SATB2: variants seen among roughly 807,000 people sequenced by gnomAD.
SATB2 encodes the protein SATB homeobox 2.
Under a neutral mutation model 73.4 loss-of-function variants are expected in SATB2, and 1 was observed. That is an observed-to-expected ratio of 0.01 (90% CI 0.00 to 0.06). The LOEUF is 0.06. Among genes scored for constraint, SATB2 ranks in the 10% least tolerant of loss-of-function variants. SATB2 has a pLI of 1.00. For synonymous variants in SATB2, 397 were observed against 367.0 expected, an observed-to-expected ratio of 1.08 and a Z score of -0.93; for missense variants, 459 against 945.8, an observed-to-expected ratio of 0.49 and a Z score of 6.75.
intron 6 of SATB2, among the ~76,000 whole-genome samples, chr2:199,361,714 T>C (rs904882477): frequency 1.3e-5 from 2 of 152,022 alleles, no homozygotes; most frequent in African/African-American, 4.8e-5. Flanking sequence ...TTATTTTTCA[T>C]TGTTACAACA....
intron 10 of SATB2, among the ~76,000 whole-genome samples, chr2:199,297,883 C>T (rs2105752401): frequency 6.6e-6 from 1 of 151,744 alleles, no homozygotes; most frequent in South Asian, 2.1e-4. Context: ...TCATTCACAG[C>T]TGAGAAGAAA....
At chr2:199,435,379 G>A (rs568268651) in intron 2 of SATB2, among the ~76,000 whole-genome samples, 2 of 138,232 alleles carry the variant, frequency 1.4e-5, no homozygotes, top group South Asian at 2.2e-4. Flanking sequence ...TTTTTTTCTC[G>A]CTCTTGTTGC....
chr2:199,362,026 C>T (rs1056091992), intron 6 of SATB2, among the ~76,000 whole-genome samples: 11 of 133,846 alleles, frequency 8.2e-5, no homozygotes, highest in African/African-American at 1.4e-4. Flanking sequence ...CGTGAGCCAC[C>T]GCGCCCAGCC....
At chr2:199,398,116 T>C (rs577793528) in intron 3 of SATB2, among the ~76,000 whole-genome samples, 1 of 152,250 alleles carries the variant, frequency 6.6e-6, no homozygotes, top group East Asian at 1.9e-4. Flanking sequence ...ATGTAGACTA[T>C]TAACACATGA....
chr2:199,296,818 T>C (rs906737306), intron 10 of SATB2, among the ~76,000 whole-genome samples: 2 of 152,188 alleles, frequency 1.3e-5, no homozygotes, highest in Non-Finnish European at 2.9e-5. Context: ...CAGTGCCCTT[T>C]TCTTTACCAT....
chr2:199,443,572 A>G (rs888975389), intron 2 of SATB2, among the ~76,000 whole-genome samples: 1 of 152,040 alleles, frequency 6.6e-6, no homozygotes, highest in African/African-American at 2.4e-5. Context: ...TCTCCCTCAC[A>G]AAAAGAAAAT....
intron 6 of SATB2, among the ~76,000 whole-genome samples, chr2:199,353,148 CTTTTT>C (rs11369554): frequency 1.5e-4 from 13 of 88,026 alleles, no homozygotes; most frequent in African/African-American, 4.1e-4. Flanking sequence ...ACGTTTTTGT[CTTTTT>C]TTTTTTTTTT....
At chr2:199,430,044 T>C (rs759155678) in intron 3 of SATB2, among the ~76,000 whole-genome samples, 2 of 152,230 alleles carry the variant, frequency 1.3e-5, no homozygotes, top group African/African-American at 4.8e-5. Context: ...TACCTTGCCA[T>C]CACGGCTGCC....
Position 199,349,189 on chromosome 2 carries a change from AG to A in SATB2, c.701-17del. ...ACTCTTTCCACTGTTAAGAGATAAA[AG>A]TGATAATTAATCATTATTTTCATTG... On this transcript the variant is annotated splice_polypyrimidine_tract_variant and intron_variant, in intron 6 of 10. Coordinates refer to ENST00000417098, the MANE Select transcript of SATB2 (RefSeq NM_001172509.2). The A allele has an allele frequency of 6.4e-7, 1 of 1,558,242 alleles. No individual in the cohort carries two copies. The highest frequency in any genetic ancestry group is 8.8e-7 in the Non-Finnish European group (1 of 1,134,030).
chr2:199,319,887 A>C (rs900272600), intron 9 of SATB2, among the ~76,000 whole-genome samples: 1 of 152,130 alleles, frequency 6.6e-6, no homozygotes, highest in Non-Finnish European at 1.5e-5. Flanking sequence ...AAATGGGGTA[A>C]TTGATGTCAA....
intron 3 of SATB2, among the ~76,000 whole-genome samples, chr2:199,400,443 G>A (rs1289353977): frequency 6.6e-6 from 1 of 152,166 alleles, no homozygotes; most frequent in Non-Finnish European, 1.5e-5. Context: ...GCCAGGTGGA[G>A]TTGCACTAGG....
At chr2:199,361,448 CGTCAATTACTGCAATAG>C (rs1296833129) in intron 6 of SATB2, among the ~76,000 whole-genome samples, 2 of 151,842 alleles carry the variant, frequency 1.3e-5, no homozygotes, top group Non-Finnish European at 2.9e-5. Context: ...ATTCCATTTC[CGTCAATTACTGCAATAG>C]GTTCGACTTT....
Position 199,296,488 on chromosome 2 carries a change from C to T in SATB2, c.1740+12272G>A, listed in dbSNP as rs147340396. ...GGTAGACTGCTTGAGTCCAGGAGTT[C>T]GAGACTAGCCTGGGCAACATGGTGA... On this transcript the variant is annotated intron_variant, in intron 10 of 10. Transcript: ENST00000417098. Among the ~76,000 whole-genome samples the T allele has an allele frequency of 6.8e-3, 1,034 of 152,126 alleles. 6 individuals carry two copies. Among genetic ancestry groups the T allele is most frequent in the Non-Finnish European group, 0.011 (747 of 67,988 alleles).
chr2:199,412,054 T>C lies in SATB2; in HGVS notation c.346+21284A>G, dbSNP rs1431222291. Among the ~76,000 whole-genome samples the C allele has an allele frequency of 3.3e-5, 5 of 151,026 alleles. No homozygotes were observed. The East Asian group carries it at 9.7e-4, about 29-fold the overall frequency. ...TTCAGCTCTGAAGGAGGGTGGGGAG[T>C]GCGAGGAGTCACATGGTTGAAGGGA... On this transcript the variant is annotated intron_variant, in intron 3 of 10. Transcript: ENST00000417098.
chr2:199,392,625 A>C (rs1201382577), intron 3 of SATB2, among the ~76,000 whole-genome samples: 1 of 152,158 alleles, frequency 6.6e-6, no homozygotes, highest in Non-Finnish European at 1.5e-5. Flanking sequence ...GCAGCCTGGC[A>C]ATCAAGAGAT....
At chr2:199,395,344 T>C (rs1454750398) in intron 3 of SATB2, among the ~76,000 whole-genome samples, 1 of 152,222 alleles carries the variant, frequency 6.6e-6, no homozygotes, top group African/African-American at 2.4e-5. Context: ...ACATTAAAAT[T>C]AATTTGTACC....
intron 10 of SATB2, among the ~76,000 whole-genome samples, chr2:199,291,937 CAAAA>C (rs903389568): frequency 1.3e-5 from 2 of 151,414 alleles, no homozygotes; most frequent in Non-Finnish European, 3.0e-5. Flanking sequence ...AAAATAAAAA[CAAAA>C]ACAAACAAAC....
intron 1 of SATB2, among the ~76,000 whole-genome samples, chr2:199,456,608 C>T (rs1028377841): frequency 1.4e-4 from 21 of 152,178 alleles, no homozygotes; most frequent in Non-Finnish European, 3.1e-4. Flanking sequence ...CCCTTGAATA[C>T]CCGCTTTTTA....
intron 9 of SATB2, among the ~76,000 whole-genome samples, chr2:199,318,118 A>C (rs1429222025): frequency 6.6e-6 from 1 of 151,904 alleles, no homozygotes; most frequent in East Asian, 1.9e-4. Flanking sequence ...TTACATGTTG[A>C]ATATAAATGG....
Sources: allele counts gnomAD v4.1 joint callset (sites outside exome capture counted in the v4.1 genomes callset), GRCh38; gene constraint gnomAD v4.1.1; transcripts MANE v1.5; gene names NCBI Gene and HGNC (gene_info 2026-07-23, HGNC 2026-07-21).